The following DOK5 variants were observed in gnomAD, a reference collection of about 807,000 sequenced individuals.
DOK5 encodes downstream of tyrosine kinase 5.
Under a neutral mutation model 43.3 loss-of-function variants are expected in DOK5, and 27 were observed. The ratio of observed to expected loss-of-function variants is 0.62; its 90% CI spans 0.46 to 0.86. The LOEUF (loss-of-function observed/expected upper bound fraction) is 0.86, where lower values mean the gene tolerates loss of function less well. Ranked by LOEUF, DOK5 falls within the 40% of genes least tolerant of loss-of-function variation. The pLI is 0.00. For missense variants in DOK5, 373 were observed against 392.9 expected (o/e 0.95, Z 0.43); for synonymous variants, 146 against 140.1 (o/e 1.04, Z -0.30).
chr20:54,602,666 G>T (rs917719845), intron 5 of DOK5, among the ~76,000 whole-genome samples: 1 of 152,082 alleles, frequency 6.6e-6, no homozygotes, highest in African/African-American at 2.4e-5. Flanking sequence ...AGCAGAATTT[G>T]ATAACAATTT....
chr20:54,623,790 A>G (rs1371632794), intron 6 of DOK5, among the ~76,000 whole-genome samples: 1 of 152,142 alleles, frequency 6.6e-6, no homozygotes, highest in Admixed American at 6.5e-5. Context: ...CATGTTAGCC[A>G]AGATGGTCTC....
At chr20:54,611,674 T>C (rs1053231697) in intron 6 of DOK5, among the ~76,000 whole-genome samples, 2 of 152,238 alleles carry the variant, frequency 1.3e-5, no homozygotes, top group Non-Finnish European at 2.9e-5. Context: ...ATGCACATCA[T>C]GCGTTGTGGC....
In DOK5 at chr20:54,650,587, A is replaced by G; in HGVS notation, c.*108A>G. The stretch of plus-strand genomic sequence containing the variant: ...AAATGACGACCAAGAGAAGAAGCTT[A>G]AAGTCCTGGCTAATTGTGTGGTCAT... On this transcript the variant is annotated 3_prime_UTR_variant, in exon 8 of 8. Coordinates refer to ENST00000262593, the MANE Select transcript of DOK5 (RefSeq NM_018431.5). 9.8e-7 allele frequency: 1 copy of G among 1,023,742 alleles called. No individual in the cohort carries two copies. Among genetic ancestry groups the G allele is most frequent in the Non-Finnish European group, 1.5e-6 (1 of 680,018 alleles). 63.4% of individuals were successfully genotyped at this position (1,023,742 alleles called of 1,614,324 possible).
chr20:54,619,697 T>C (rs908510057), intron 6 of DOK5, among the ~76,000 whole-genome samples: 2 of 152,198 alleles, frequency 1.3e-5, no homozygotes, highest in Non-Finnish European at 2.9e-5. Context: ...GTTTAAAGGA[T>C]TGATTTACTT....
At chr20:54,528,482 T>C (rs1219696305) in intron 1 of DOK5, among the ~76,000 whole-genome samples, 1 of 151,810 alleles carries the variant, frequency 6.6e-6, no homozygotes, top group Non-Finnish European at 1.5e-5. Flanking sequence ...AAGATGGCTG[T>C]TGAAGCTCCA....
chr20:54,601,582 G>A (rs960662560), intron 5 of DOK5, among the ~76,000 whole-genome samples: 1 of 152,224 alleles, frequency 6.6e-6, no homozygotes, highest in Non-Finnish European at 1.5e-5. Context: ...AGTCCAGGCA[G>A]TAAGTATTAG....
chr20:54,481,057 CATCT>C (rs1462102875), intron 1 of DOK5, among the ~76,000 whole-genome samples: 48 of 116,690 alleles, frequency 4.1e-4, no homozygotes, highest in African/African-American at 9.9e-4. Context: ...ATCTGTCTAT[CATCT>C]ATCTATCATC....
intron 1 of DOK5, among the ~76,000 whole-genome samples, chr20:54,546,134 C>A (rs1984335936): frequency 1.3e-5 from 2 of 152,100 alleles, no homozygotes; most frequent in African/African-American, 4.8e-5. Context: ...GATGCTCAAC[C>A]TCACTAAAAA....
chr20:54,564,424 C>T (rs535823794), intron 2 of DOK5, among the ~76,000 whole-genome samples: 1 of 151,744 alleles, frequency 6.6e-6, no homozygotes, highest in East Asian at 1.9e-4. Flanking sequence ...AAGCAAGACT[C>T]CGTCAAAAAA....
At chr20:54,580,544 G>C (rs925156480) in intron 2 of DOK5, among the ~76,000 whole-genome samples, 1 of 151,812 alleles carries the variant, frequency 6.6e-6, no homozygotes, top group African/African-American at 2.4e-5. Context: ...GTTTTTTTCT[G>C]ATAATAGCCA....
intron 6 of DOK5, among the ~76,000 whole-genome samples, chr20:54,619,188 T>C (rs563790229): frequency 1.4e-4 from 20 of 147,358 alleles, no homozygotes; most frequent in Non-Finnish European, 2.7e-4. Context: ...TTCAATGCAT[T>C]GTTATTATTC....
chr20:54,628,812 G>T (rs1178269439), intron 6 of DOK5, among the ~76,000 whole-genome samples: 1 of 152,132 alleles, frequency 6.6e-6, no homozygotes, highest in Non-Finnish European at 1.5e-5. Flanking sequence ...CTTTAGGAAG[G>T]TATTTTATAA....
intron 6 of DOK5, among the ~76,000 whole-genome samples, chr20:54,631,124 T>C (rs6014091): frequency 0.14 from 21,307 of 152,148 alleles, 2,232 homozygotes; most frequent in African/African-American, 0.3. Flanking sequence ...ATGTTCATAA[T>C]ATACTAAATG....
At chr20:54,634,076 G>C (rs1978697260) in intron 6 of DOK5, among the ~76,000 whole-genome samples, 1 of 152,212 alleles carries the variant, frequency 6.6e-6, no homozygotes, top group African/African-American at 2.4e-5. Context: ...GAAACCAAAT[G>C]AGGAACTGGG....
chr20:54,552,701 T>C (rs77873811), intron 1 of DOK5, among the ~76,000 whole-genome samples: 2,503 of 152,308 alleles, frequency 0.016, 57 homozygotes, highest in African/African-American at 0.055. Context: ...TTTTTTATTG[T>C]AAATAATGCT....
intron 5 of DOK5, among the ~76,000 whole-genome samples, chr20:54,592,479 T>C (rs746725163): frequency 1.4e-4 from 22 of 152,032 alleles, no homozygotes; most frequent in Admixed American, 2.6e-4. Flanking sequence ...GCCATAATCC[T>C]ATTTTCCTTG....
Position 54,591,662 on chromosome 20 carries a change from T to C in DOK5, c.456T>C (p.His152=), listed in dbSNP as rs1482552045. Residue 152 remains histidine, a synonymous_variant, in exon 5 of 8, where the codon CAT becomes CAC. Transcript: ENST00000262593. ...YLMPSPNLDV[H]GECALQITYE... ...TGCCATCTCCTAACTTAGATGTACA[T>C]GGCGAATGTGCCTTGCAGATTACAT... 2 of 1,613,480 alleles carry C rather than the reference T, an allele frequency of 1.2e-6. No homozygotes were observed. Among genetic ancestry groups the C allele is most frequent in the Non-Finnish European group, 1.7e-6 (2 of 1,179,876 alleles).
Position 54,608,446 on chromosome 20 carries a change from C to T in DOK5, c.600-1942C>T, listed in dbSNP as rs142200168. ...AAACAATAGAGTCAAGTTTGTATGG[C>T]GGCTTAAATAAGGAAGAGGAAGTAG... is the stretch of plus-strand genomic sequence containing the variant. On this transcript the variant is annotated intron_variant, in intron 5 of 7. Coordinates refer to ENST00000262593, the MANE Select transcript of DOK5 (RefSeq NM_018431.5). 4.3e-3 allele frequency among the ~76,000 whole-genome samples: 651 copies of T among 152,148 alleles called. 3 individuals carry two copies. Among genetic ancestry groups the T allele is most frequent in the African/African-American group, 0.015 (634 of 41,500 alleles).
chr20:54,642,732 AAAAAC>A (rs1979183746), intron 6 of DOK5, among the ~76,000 whole-genome samples: 2 of 152,118 alleles, frequency 1.3e-5, no homozygotes, highest in Non-Finnish European at 2.9e-5. Context: ...GAAAAAAAAC[AAAAAC>A]AAAACAAAAC....
Sources: allele counts gnomAD v4.1 joint callset (sites outside exome capture counted in the v4.1 genomes callset), GRCh38; gene constraint gnomAD v4.1.1; transcripts MANE v1.5; gene names NCBI Gene and HGNC (gene_info 2026-07-23, HGNC 2026-07-21).